KATNAL1: variants seen among roughly 807,000 people sequenced by gnomAD.
The protein encoded by KATNAL1 is katanin catalytic subunit A1 like 1.
KATNAL1 carries 32 observed loss-of-function variants against 55.2 expected under a neutral mutation model. That is an observed-to-expected ratio of 0.58 (90% CI 0.44 to 0.78). The LOEUF (loss-of-function observed/expected upper bound fraction) is 0.78, where lower values mean the gene tolerates loss of function less well. Among genes scored for constraint, KATNAL1 ranks in the 30% least tolerant of loss-of-function variants. KATNAL1 has a pLI of 0.00. For synonymous variants in KATNAL1, 193 were observed against 193.6 expected (o/e 1.00, Z 0.02); for missense variants, 466 against 600.9 (o/e 0.78, Z 2.35).
rs529897605 is a variant in KATNAL1, at chr13:30,223,016, A to G, written c.1147+4396T>C. 1.1e-3 allele frequency among the ~76,000 whole-genome samples: 166 copies of G among 151,952 alleles called. 6 individuals carry two copies. The highest frequency in any genetic ancestry group is 3.9e-3 in the African/African-American group (161 of 41,312). ...AGGCTGAGGCAGCAGAATCACTTGA[A>G]CCTGGGAGGCAGAGGTTGCAGTAAG... is the stretch of plus-strand genomic sequence containing the variant. On this transcript the variant is annotated intron_variant, in intron 9 of 10. Transcript: ENST00000380615.
intron 1 of KATNAL1, among the ~76,000 whole-genome samples, chr13:30,284,104 C>T (rs7320179): frequency 0.05 from 7,675 of 152,174 alleles, 200 homozygotes; most frequent in South Asian, 0.063. Flanking sequence ...AGGTGATCCA[C>T]CCACCTAAGC....
At chr13:30,212,903 A>G (rs1369668583) in intron 9 of KATNAL1, among the ~76,000 whole-genome samples, 1 of 152,186 alleles carries the variant, frequency 6.6e-6, no homozygotes. Flanking sequence ...TAATTAAGGT[A>G]AAATGAGGTC....
intron 3 of KATNAL1, among the ~76,000 whole-genome samples, chr13:30,260,398 G>C (rs928590207): frequency 2.1e-4 from 32 of 152,192 alleles, no homozygotes; most frequent in African/African-American, 7.7e-4. Context: ...GCTGAGAGAA[G>C]GCTTCAGACG....
intron 1 of KATNAL1, among the ~76,000 whole-genome samples, chr13:30,301,911 G>A (rs1177039821): frequency 6.6e-5 from 10 of 152,068 alleles, no homozygotes; most frequent in Non-Finnish European, 2.9e-5. Context: ...TCACTCTGTC[G>A]CCCAGCCTGG....
chr13:30,297,108 C>G (rs1882557226), intron 1 of KATNAL1, among the ~76,000 whole-genome samples: 1 of 150,494 alleles, frequency 6.6e-6, no homozygotes, highest in African/African-American at 2.5e-5. Context: ...ACGCTCCAGC[C>G]CTCCAGCCTG....
chr13:30,298,339 G>A (rs1276774015), intron 1 of KATNAL1, among the ~76,000 whole-genome samples: 6 of 152,168 alleles, frequency 3.9e-5, no homozygotes, highest in Admixed American at 3.9e-4. Flanking sequence ...ATATGTATCA[G>A]TAATTACTTT....
At chr13:30,256,276 G>C (rs1023298112) in intron 3 of KATNAL1, among the ~76,000 whole-genome samples, 2 of 152,172 alleles carry the variant, frequency 1.3e-5, no homozygotes, top group African/African-American at 2.4e-5. Flanking sequence ...ATATAAGTAT[G>C]CATGCAAAAT....
chr13:30,241,067 T>C lies in KATNAL1; in HGVS notation c.512A>G (p.Asp171Gly). 1 of 1,613,106 alleles carries C rather than the reference T, an allele frequency of 6.2e-7. No homozygotes were observed. Among genetic ancestry groups the C allele is most frequent in the Non-Finnish European group, 8.5e-7 (1 of 1,179,736 alleles). Residue 171 changes from aspartate (D) to glycine (G), a missense_variant, in exon 5 of 11, where the codon GAT becomes GGT. Coordinates refer to ENST00000380615, the MANE Select transcript of KATNAL1 (RefSeq NM_032116.5). ...RDDKGRKNMQ[D>G]GASDGEMPKF... Reference sequence around the variant, plus strand: ...TGGCATTTCACCATCACTTGCACCATCTTGCATATTCTTCCTTCCCTGGGG... The same window carrying C: ...TGGCATTTCACCATCACTTGCACCACCTTGCATATTCTTCCTTCCCTGGGG...
intron 3 of KATNAL1, among the ~76,000 whole-genome samples, chr13:30,265,367 G>GTAT (rs1187453056): frequency 6.7e-6 from 1 of 148,278 alleles, no homozygotes; most frequent in African/African-American, 2.5e-5. Context: ...AAAATTTAAA[G>GTAT]TATAATAATA....
At chr13:30,296,703 G>A (rs1187896558) in intron 1 of KATNAL1, 4 of 604,310 alleles carry the variant, frequency 6.6e-6, no homozygotes, top group Non-Finnish European at 1.3e-5. Flanking sequence ...CAACGTGGAT[G>A]ACGGCGAGGA....
At chr13:30,254,890 A>T (rs149566557) in intron 4 of KATNAL1, among the ~76,000 whole-genome samples, 78 of 152,324 alleles carry the variant, frequency 5.1e-4, no homozygotes, top group African/African-American at 1.8e-3. Context: ...ATTTTAAGGG[A>T]AGTACAATTT....
intron 4 of KATNAL1, among the ~76,000 whole-genome samples, chr13:30,244,920 C>CA (rs1423854767): frequency 3.3e-5 from 5 of 150,874 alleles, no homozygotes; most frequent in African/African-American, 7.3e-5. Context: ...GCCTACCAAC[C>CA]AAAAAAAAGC....
rs143277319 is a variant in KATNAL1 at position 30,205,750 on chromosome 13, CTGTG to C, written c.*2786_*2789del. 0.084 allele frequency: 11,534 copies of C among 137,288 alleles called. 642 individuals carry two copies. The highest frequency in any genetic ancestry group is 0.18 in the Admixed American group (2,497 of 13,948). 8.5% of individuals were successfully genotyped at this position (137,288 alleles called of 1,614,324 possible). ...AACACACTGTCTTCTGCAATAAAGA[CTGTG>C]TGTGTGTGTGTGTGTGTGTGTGTGT... On this transcript the variant is annotated 3_prime_UTR_variant, in exon 11 of 11. Coordinates refer to ENST00000380615, the MANE Select transcript of KATNAL1 (RefSeq NM_032116.5).
chr13:30,255,699 A>G, intron 3 of KATNAL1, 84 bp from the exon 4 acceptor site: 1 of 1,200,578 alleles, frequency 8.3e-7, no homozygotes, highest in Non-Finnish European at 1.1e-6. Context: ...CTTAGTCAAT[A>G]AAATTGTTAA....
At chr13:30,274,899 GCGCGCGCGCA>G (rs779918218) in intron 3 of KATNAL1, among the ~76,000 whole-genome samples, 2,790 of 112,152 alleles carry the variant, frequency 0.025, 41 homozygotes, top group Admixed American at 0.056. Flanking sequence ...ATACGCGCGC[GCGCGCGCGCA>G]CACACACACA....
At chr13:30,232,932 C>T (rs2137401124) in intron 6 of KATNAL1, among the ~76,000 whole-genome samples, 1 of 152,194 alleles carries the variant, frequency 6.6e-6, no homozygotes, top group South Asian at 2.1e-4. Flanking sequence ...GATCTCTCAC[C>T]ATTTACAAAC....
chr13:30,264,873 G>C (rs1442104079), intron 3 of KATNAL1, among the ~76,000 whole-genome samples: 1 of 137,942 alleles, frequency 7.2e-6, no homozygotes, highest in Non-Finnish European at 1.6e-5. Context: ...CCATTACTGG[G>C]TATATACCCA....
intron 3 of KATNAL1, among the ~76,000 whole-genome samples, chr13:30,276,674 C>CTTGGAA (rs1880870415): frequency 6.6e-6 from 1 of 151,986 alleles, no homozygotes; most frequent in South Asian, 2.1e-4. Context: ...TTTCTTTATT[C>CTTGGAA]TTCCACCACT....
rs557778714 is a variant in KATNAL1 at position 30,206,371 on chromosome 13, T to C, written c.*2169A>G. ...AAGATCCTTTAAGGGATTTAAGATATACAAAGCATCTACCATCCACTGACA... is the reference window on the plus strand; with the variant it reads ...AAGATCCTTTAAGGGATTTAAGATACACAAAGCATCTACCATCCACTGACA... On this transcript the variant is annotated 3_prime_UTR_variant, in exon 11 of 11. Transcript: ENST00000380615. 3 of 152,194 alleles carry C rather than the reference T, an allele frequency of 2.0e-5. No individual in the cohort carries two copies. The highest frequency in any genetic ancestry group is 2.1e-4 in the South Asian group (1 of 4,818). 9.4% of individuals were successfully genotyped at this position (152,194 alleles called of 1,614,324 possible). A position where few individuals can be genotyped will look rare whatever the true frequency, so the allele number is the denominator to read the frequency against.
Sources: gnomAD v4.1 joint callset for allele counts (sites outside exome capture counted in the v4.1 genomes callset) on GRCh38, gnomAD v4.1.1 for gene constraint, MANE v1.5 for transcripts, NCBI Gene and HGNC (gene_info 2026-07-23, HGNC 2026-07-21) for gene names.